The following CELF2 variants were observed in gnomAD, a reference collection of about 807,000 sequenced individuals.
CELF2 encodes the protein CUGBP Elav-like family member 2, also known as CUG triplet repeat RNA-binding protein 2.
A neutral mutation model predicts 62.6 loss-of-function variants in CELF2; 8 were observed. That is an observed-to-expected ratio of 0.13 (90% CI 0.07 to 0.23). The LOEUF (loss-of-function observed/expected upper bound fraction) is 0.23, where lower values mean the gene tolerates loss of function less well. CELF2 is among the 10% of genes least tolerant of loss of function. CELF2 has a pLI of 1.00. For missense variants in CELF2, 333 were observed against 671.0 expected (o/e 0.50, Z 5.56); for synonymous variants, 258 against 250.0 (o/e 1.03, Z -0.30).
the CELF2 span, among the ~76,000 whole-genome samples, chr10:10,642,889 C>T: frequency 1.2e-3 from 187 of 152,320 alleles, 1 homozygote; most frequent in South Asian, 3.7e-3. Flanking sequence ...GCCTGGCCTG[C>T]CATCTGACCC....
intron 4 of CELF2, 113 bp downstream of exon 4, chr10:11,249,314 A>AGC: frequency 4.9e-6 from 4 of 811,322 alleles, no homozygotes; most frequent in Non-Finnish European, 8.4e-6. Context: ...GAGGACAGAG[A>AGC]GCGCTGCTCC....
At chr10:11,210,585 T>C (rs1253557932) in intron 2 of CELF2, among the ~76,000 whole-genome samples, 3 of 152,222 alleles carry the variant, frequency 2.0e-5, no homozygotes, top group African/African-American at 7.2e-5. Flanking sequence ...GAAAAAGAAT[T>C]AGCAGTTAGA....
chr10:11,182,750 A>G (rs1332562582), intron 2 of CELF2, among the ~76,000 whole-genome samples: 1 of 152,202 alleles, frequency 6.6e-6, no homozygotes, highest in Admixed American at 6.5e-5. Context: ...CAAACACATT[A>G]TCTGCTCTTT....
At chr10:10,755,920 A>G in the CELF2 span, among the ~76,000 whole-genome samples, 2 of 152,214 alleles carry the variant, frequency 1.3e-5, no homozygotes, top group African/African-American at 4.8e-5. Context: ...ACCCGAATAG[A>G]GTCAAAGCAA....
chr10:10,623,085 C>CAAAAAAAAAAAAAA, the CELF2 span, among the ~76,000 whole-genome samples: 5 of 57,220 alleles, frequency 8.7e-5, no homozygotes, highest in East Asian at 1.0e-3. Context: ...GACTCCGTCT[C>CAAAAAAAAAAAAAA]AAAAAAAAAA....
chr10:10,667,327 G>A, the CELF2 span, among the ~76,000 whole-genome samples: 2 of 152,304 alleles, frequency 1.3e-5, no homozygotes, highest in South Asian at 4.1e-4. Context: ...ACGACCACGC[G>A]TTTGTTTTGG....
upstream of CELF2, among the ~76,000 whole-genome samples, chr10:11,003,523 G>A (rs1430266641): frequency 1.3e-5 from 2 of 152,130 alleles, no homozygotes; most frequent in Non-Finnish European, 2.9e-5. The surrounding 1 kb of genome is among the most constrained non-coding windows in gnomAD (Gnocchi z 4.4). Flanking sequence ...TATTTACGCT[G>A]ACTGAACACA....
the CELF2 span, among the ~76,000 whole-genome samples, chr10:10,663,740 C>A: frequency 1.3e-5 from 2 of 152,174 alleles, no homozygotes; most frequent in Middle Eastern, 3.4e-3. Context: ...CTTTCATATC[C>A]CTGGCCCTGA....
the CELF2 span, among the ~76,000 whole-genome samples, chr10:10,639,832 A>G: frequency 0.17 from 25,836 of 152,170 alleles, 2,330 homozygotes; most frequent in South Asian, 0.25. Flanking sequence ...CTCACTAGGG[A>G]CCGTCAATGA....
chr10:10,658,034 C>T, the CELF2 span, among the ~76,000 whole-genome samples: 1 of 152,198 alleles, frequency 6.6e-6, no homozygotes, highest in South Asian at 2.1e-4. Flanking sequence ...CACTATGAAA[C>T]AGAGAGGAAA....
the CELF2 span, among the ~76,000 whole-genome samples, chr10:10,574,321 G>T: frequency 6.6e-6 from 1 of 152,188 alleles, no homozygotes; most frequent in Non-Finnish European, 1.5e-5. Context: ...GTAGAAGAAG[G>T]ATTGTGCAAG....
the CELF2 span, among the ~76,000 whole-genome samples, chr10:10,717,408 G>T: frequency 6.6e-6 from 1 of 151,344 alleles, no homozygotes; most frequent in East Asian, 1.9e-4. Flanking sequence ...GTCAAATACA[G>T]ACACCTAATC....
chr10:11,049,558 TAAAAAAA>T (rs368708381), intron 1 of CELF2, among the ~76,000 whole-genome samples: 204 of 96,906 alleles, frequency 2.1e-3, no homozygotes, highest in East Asian at 5.6e-3. Flanking sequence ...CTTTCTTTAG[TAAAAAAA>T]AAAAAAAAAA....
At chr10:10,608,612 A>T in the CELF2 span, among the ~76,000 whole-genome samples, 2 of 152,262 alleles carry the variant, frequency 1.3e-5, no homozygotes, top group East Asian at 3.9e-4. Context: ...AGGGACAAAG[A>T]TATGGATGAA....
the CELF2 span, among the ~76,000 whole-genome samples, chr10:10,495,721 G>A: frequency 2.2e-4 from 33 of 152,292 alleles, no homozygotes; most frequent in African/African-American, 7.7e-4. Context: ...CTTGCCCAAT[G>A]TTTAATGCAC....
At chr10:11,095,734 C>T (rs2049666160) in intron 1 of CELF2, among the ~76,000 whole-genome samples, 1 of 152,110 alleles carries the variant, frequency 6.6e-6, no homozygotes, top group Non-Finnish European at 1.5e-5. Context: ...CAGTGCTCCC[C>T]ACTAGGAGAA....
At chr10:10,564,144 A>T in the CELF2 span, among the ~76,000 whole-genome samples, 1 of 152,224 alleles carries the variant, frequency 6.6e-6, no homozygotes, top group South Asian at 2.1e-4. Flanking sequence ...AGTGTAAACC[A>T]CTTCCAACAC....
chr10:11,110,097 A>T lies in CELF2; in HGVS notation c.75-55389A>T, dbSNP rs1286129463. On this transcript the variant is annotated intron_variant, in intron 1 of 12. Coordinates refer to ENST00000633077, the MANE Select transcript of CELF2 (RefSeq NM_001326342.2). This position sits in a 1 kb window ranked among gnomAD's most constrained non-coding sequence, Gnocchi z 4.0. Reference sequence around the variant, plus strand: ...AACATAGCAAGACCTCATTGCTACTAAAAATTTTTAAAAATTAGTTGGGCA... The same window carrying T: ...AACATAGCAAGACCTCATTGCTACTTAAAATTTTTAAAAATTAGTTGGGCA... Among the ~76,000 whole-genome samples the T allele has an allele frequency of 2.0e-5, 3 of 152,078 alleles. No homozygotes were observed. The highest frequency in any genetic ancestry group is 4.4e-5 in the Non-Finnish European group (3 of 68,006).
intron 2 of CELF2, among the ~76,000 whole-genome samples, chr10:11,176,998 A>G (rs2071429976): frequency 6.6e-6 from 1 of 152,170 alleles, no homozygotes; most frequent in Non-Finnish European, 1.5e-5. Context: ...TATTTCAGTG[A>G]GACGCTGGTT....
Sources: gnomAD v4.1 joint callset for allele counts (sites outside exome capture counted in the v4.1 genomes callset) on GRCh38, gnomAD v4.1.1 for gene constraint, Gnocchi (gnomAD v3.1) non-coding constraint, MANE v1.5 for transcripts, NCBI Gene and HGNC (gene_info 2026-07-23, HGNC 2026-07-21) for gene names.